Variants in GNAQ observed in about 807,000 individuals in gnomAD.
GNAQ encodes guanine nucleotide-binding protein G(q) subunit alpha.
A neutral mutation model predicts 43.9 loss-of-function variants in GNAQ; 8 were observed. The ratio of observed to expected loss-of-function variants is 0.18; its 90% CI spans 0.11 to 0.33. GNAQ has a LOEUF of 0.33. Among genes scored for constraint, GNAQ ranks in the 10% least tolerant of loss-of-function variants. The pLI is 1.00. For missense variants in GNAQ, 158 were observed against 450.8 expected, an observed-to-expected ratio of 0.35 and a Z score of 5.88; for synonymous variants, 155 against 170.7, an observed-to-expected ratio of 0.91 and a Z score of 0.71.
intron 2 of GNAQ, among the ~76,000 whole-genome samples, chr9:77,907,545 G>A (rs1038101889): frequency 4.6e-5 from 7 of 152,132 alleles, no homozygotes; most frequent in Admixed American, 3.3e-4. Flanking sequence ...CCTCTGGCTC[G>A]AAGAGAAATG....
rs898262661 is a variant in GNAQ, at chr9:77,716,687, A to C, written c.*4636T>G. 4.3e-6 allele frequency: 1 copy of C among 232,900 alleles called. No individual in the cohort carries two copies. The allele number at this position is 232,900 out of a possible 1,614,324, so 14.4% of individuals were successfully genotyped here. The stretch of plus-strand genomic sequence containing the variant: ...TGTTTTTTCTGTCTACCAAAAGCTT[A>C]TATAAAAGTCAGAATTTCTTTATCC... On this transcript the variant is annotated 3_prime_UTR_variant, in exon 7 of 7. Transcript: ENST00000286548.
chr9:77,943,660 C>CTTT (rs34195207), intron 1 of GNAQ, among the ~76,000 whole-genome samples: 19 of 116,142 alleles, frequency 1.6e-4, no homozygotes, highest in East Asian at 4.8e-4. Flanking sequence ...AAGTAACTAA[C>CTTT]TTTTTTTTTT....
At chr9:77,750,197 T>A (rs1359723731) in intron 5 of GNAQ, among the ~76,000 whole-genome samples, 1 of 150,862 alleles carries the variant, frequency 6.6e-6, no homozygotes, top group East Asian at 1.9e-4. Context: ...AAAGAAGAAA[T>A]CTTGCAAAAT....
intron 1 of GNAQ, among the ~76,000 whole-genome samples, chr9:78,018,002 G>A (rs1213465089): frequency 2.0e-5 from 3 of 151,936 alleles, no homozygotes; most frequent in Non-Finnish European, 4.4e-5. Context: ...AATATGTTTT[G>A]GGTGTGTATA....
intron 5 of GNAQ, among the ~76,000 whole-genome samples, chr9:77,734,277 ACTT>A (rs1188740084): frequency 2.6e-5 from 4 of 152,138 alleles, no homozygotes; most frequent in African/African-American, 7.2e-5. Context: ...CACAAAACGC[ACTT>A]CTTTTCTTAG....
chr9:77,920,092 T>C (rs1179064231), intron 2 of GNAQ, among the ~76,000 whole-genome samples: 1 of 151,750 alleles, frequency 6.6e-6, no homozygotes, highest in Non-Finnish European at 1.5e-5. Context: ...TGAGCTGAGA[T>C]CGCGCCACTG....
intron 2 of GNAQ, among the ~76,000 whole-genome samples, chr9:77,907,394 G>T (rs1460386918): frequency 6.6e-6 from 1 of 152,076 alleles, no homozygotes; most frequent in African/African-American, 2.4e-5. Context: ...AGGGAAATAA[G>T]GAAAGAAAGA....
chr9:78,025,658 G>A (rs1040148666), intron 1 of GNAQ, among the ~76,000 whole-genome samples: 48 of 152,134 alleles, frequency 3.2e-4, no homozygotes, highest in Non-Finnish European at 3.2e-4. Flanking sequence ...TCCACCTTCT[G>A]AGGGAGAAAG....
At chr9:77,891,118 G>A (rs540881452) in intron 2 of GNAQ, among the ~76,000 whole-genome samples, 75 of 152,290 alleles carry the variant, frequency 4.9e-4, no homozygotes, top group African/African-American at 1.7e-3. Flanking sequence ...ATGCACTGAA[G>A]TCAGCACTTA....
intron 1 of GNAQ, among the ~76,000 whole-genome samples, chr9:77,999,092 C>CAAAAAAAAAAAA (rs56358201): frequency 1.9e-5 from 1 of 52,574 alleles, no homozygotes; most frequent in African/African-American, 1.0e-4. Context: ...AACTCTGTCT[C>CAAAAAAAAAAAA]AAAAAAAAAA....
chr9:77,824,340 G>T (rs1189670668), intron 2 of GNAQ, among the ~76,000 whole-genome samples: 1 of 152,086 alleles, frequency 6.6e-6, no homozygotes, highest in African/African-American at 2.4e-5. Context: ...TCTGCTGAAT[G>T]GTAAGTAATC....
chr9:77,762,487 C>T (rs1826058405), intron 5 of GNAQ, among the ~76,000 whole-genome samples: 2 of 145,350 alleles, frequency 1.4e-5, no homozygotes, highest in South Asian at 4.6e-4. Context: ...GGGGTCAGCC[C>T]CCCGCCTGGC....
At chr9:77,925,983 T>C (rs1829067397) in intron 1 of GNAQ, among the ~76,000 whole-genome samples, 1 of 152,232 alleles carries the variant, frequency 6.6e-6, no homozygotes, top group Admixed American at 6.5e-5. Context: ...TCATACTGTA[T>C]TGTCATTTGT....
chr9:78,023,627 T>A (rs1823938960), intron 1 of GNAQ, among the ~76,000 whole-genome samples: 1 of 149,972 alleles, frequency 6.7e-6, no homozygotes, highest in Non-Finnish European at 1.5e-5. Context: ...GCCCCTACAG[T>A]AAAAGAAAAT....
intron 3 of GNAQ, among the ~76,000 whole-genome samples, chr9:77,814,092 G>T (rs1441032532): frequency 6.6e-6 from 1 of 152,102 alleles, no homozygotes; most frequent in Non-Finnish European, 1.5e-5. Context: ...GAGATAGATG[G>T]AATCTGAAAT....
At chr9:77,780,320 T>TA (rs1157567147) in intron 5 of GNAQ, among the ~76,000 whole-genome samples, 4 of 151,980 alleles carry the variant, frequency 2.6e-5, no homozygotes, top group African/African-American at 9.7e-5. Flanking sequence ...TTTACTTCTA[T>TA]GAGATCTACA....
chr9:78,023,375 G>A (rs541837600), intron 1 of GNAQ, among the ~76,000 whole-genome samples: 1 of 152,108 alleles, frequency 6.6e-6, no homozygotes, highest in South Asian at 2.1e-4. Context: ...TAAATCGTAT[G>A]CAAATGTGCA....
chr9:77,813,061 C>T (rs1012158715), intron 3 of GNAQ, among the ~76,000 whole-genome samples: 1 of 151,822 alleles, frequency 6.6e-6, no homozygotes, highest in Non-Finnish European at 1.5e-5. Flanking sequence ...TACAGGCGCA[C>T]CCCACCACGC....
intron 1 of GNAQ, among the ~76,000 whole-genome samples, chr9:77,941,907 T>TACATAC (rs1554727653): frequency 2.8e-5 from 4 of 140,994 alleles, no homozygotes; most frequent in Non-Finnish European, 4.6e-5. Context: ...ACAACATACA[T>TACATAC]ACACACACAC....
Sources: gnomAD v4.1 joint callset for allele counts (sites outside exome capture counted in the v4.1 genomes callset) on GRCh38, gnomAD v4.1.1 for gene constraint, MANE v1.5 for transcripts, NCBI Gene and HGNC (gene_info 2026-07-23, HGNC 2026-07-21) for gene names.